Variants in ABCA13 observed in about 807,000 individuals in gnomAD.
ABCA13 encodes ATP-binding cassette sub-family A member 13.
Under a neutral mutation model 478.7 loss-of-function variants are expected in ABCA13, and 476 were observed. That is an observed-to-expected ratio of 0.99 (90% CI 0.92 to 1.07). The LOEUF (loss-of-function observed/expected upper bound fraction) is 1.07. ABCA13 is among the 50% of genes least tolerant of loss of function. The pLI is 0.00. For synonymous variants in ABCA13, 2,252 were observed against 2,158.9 expected, an observed-to-expected ratio of 1.04 and a Z score of -1.20; for missense variants, 6,060 against 5,910.6, an observed-to-expected ratio of 1.03 and a Z score of -0.83.
At chr7:48,478,169 T>C (rs1465507962) in intron 45 of ABCA13, among the ~76,000 whole-genome samples, 1 of 149,030 alleles carries the variant, frequency 6.7e-6, no homozygotes, top group Non-Finnish European at 1.5e-5. Flanking sequence ...CAGCATATCA[T>C]ATATCATGAT....
intron 59 of ABCA13, among the ~76,000 whole-genome samples, chr7:48,634,781 T>C (rs1794489347): frequency 1.3e-5 from 2 of 152,230 alleles, no homozygotes; most frequent in Non-Finnish European, 2.9e-5. Flanking sequence ...TAAATGTTTC[T>C]CCAAGCACTG....
At chr7:48,624,056 T>TAG (rs1038336052) in intron 59 of ABCA13, among the ~76,000 whole-genome samples, 21 of 128,008 alleles carry the variant, frequency 1.6e-4, no homozygotes, top group Non-Finnish European at 2.8e-4. Context: ...GAGCACATGA[T>TAG]AGAGTGTGTG....
intron 29 of ABCA13, 73 bp from the exon 30 acceptor site, chr7:48,350,570 T>C: frequency 7.2e-7 from 1 of 1,390,916 alleles, no homozygotes; most frequent in Non-Finnish European, 9.6e-7. Context: ...ATTTGCACAA[T>C]CTCCACTATA....
At chr7:48,491,126 A>T (rs372874770) in intron 48 of ABCA13, among the ~76,000 whole-genome samples, 33 of 152,178 alleles carry the variant, frequency 2.2e-4, no homozygotes, top group African/African-American at 6.8e-4. Context: ...AGATGTTTTC[A>T]AGGAAGGGGC....
chr7:48,381,368 CAT>C (rs1563157457), intron 35 of ABCA13, among the ~76,000 whole-genome samples: 1 of 148,186 alleles, frequency 6.7e-6, no homozygotes, highest in African/African-American at 2.5e-5. Context: ...CACACATACA[CAT>C]ACACACACAC....
At chr7:48,312,424 T>C (rs1006595126) in intron 24 of ABCA13, among the ~76,000 whole-genome samples, 10 of 151,114 alleles carry the variant, frequency 6.6e-5, no homozygotes, top group African/African-American at 2.4e-4. Context: ...AAGCCTTGCC[T>C]CCAGTGTAGA....
intron 38 of ABCA13, among the ~76,000 whole-genome samples, chr7:48,403,047 G>A (rs550759439): frequency 3.9e-5 from 6 of 152,322 alleles, no homozygotes; most frequent in Admixed American, 3.3e-4. Flanking sequence ...CTGGAAGAGG[G>A]GTAAAGTTTC....
chr7:48,511,157 G>A lies in ABCA13; in HGVS notation c.13598G>A (p.Arg4533His), dbSNP rs747899889. The A allele has an allele frequency of 3.5e-5, 56 of 1,612,924 alleles. No homozygotes were observed. The highest frequency in any genetic ancestry group is 4.2e-5 in the Non-Finnish European group (49 of 1,179,476). ...TTCCAGTTAACAGCTTTTACTTTCCGCAAGAACTTGGCAGCCACGGCCCTC... is the reference window on the plus strand; with the variant it reads ...TTCCAGTTAACAGCTTTTACTTTCCACAAGAACTTGGCAGCCACGGCCCTC... The part of the protein sequence containing the change: ...VAFQLTAFTF[R>H]KNLAATALLL... The change falls in exon 51 of 62, where the codon CGC becomes CAC. Residue 4533 changes from arginine (R) to histidine (H), a missense_variant. Transcript: ENST00000435803.
chr7:48,333,039 C>T (rs1805649166), intron 27 of ABCA13, among the ~76,000 whole-genome samples: 1 of 152,312 alleles, frequency 6.6e-6, no homozygotes, highest in Middle Eastern at 3.4e-3. Context: ...CAGTTCCACT[C>T]AGTTTCTCCT....
intron 48 of ABCA13, among the ~76,000 whole-genome samples, chr7:48,503,084 G>A (rs1250738208): frequency 6.6e-6 from 1 of 152,086 alleles, no homozygotes; most frequent in Non-Finnish European, 1.5e-5. Context: ...ATTTACTTAT[G>A]TATGTATTTA....
At chr7:48,460,090 A>G (rs1199458893) in intron 43 of ABCA13, among the ~76,000 whole-genome samples, 57 of 152,138 alleles carry the variant, frequency 3.7e-4, no homozygotes, top group Non-Finnish European at 2.9e-5. Context: ...TAGAAGGAGC[A>G]AGTGTAGGAC....
intron 56 of ABCA13, among the ~76,000 whole-genome samples, chr7:48,581,553 G>A (rs183762404): frequency 4.6e-5 from 7 of 152,278 alleles, no homozygotes; most frequent in African/African-American, 1.4e-4. Context: ...TGAAAGAGGC[G>A]GGTGCTTGGC....
chr7:48,520,016 T>A, intron 52 of ABCA13, 25 bp from the exon 53 acceptor site: 2 of 1,574,788 alleles, frequency 1.3e-6, no homozygotes, highest in Non-Finnish European at 1.7e-6. Context: ...TTAATTGGAT[T>A]TTTTTTCTTT....
chr7:48,612,269 A>G (rs917562826), intron 58 of ABCA13: 1 of 152,220 alleles, frequency 6.6e-6, no homozygotes, highest in African/African-American at 2.4e-5. Context: ...AGTTTGTTGC[A>G]TGTCCACATT....
Position 48,618,283 on chromosome 7 carries a change from C to G in ABCA13, c.14837+2906C>G, listed in dbSNP as rs114894926. On this transcript the variant is annotated intron_variant, in intron 59 of 61. Transcript: ENST00000435803. ...GCTCATTTGAGTTGCTTTCTTGGGT[C>G]TTAAGCAAAACCTTGGTACATGCAC... Among the ~76,000 whole-genome samples, 1,019 of 152,306 alleles carry G rather than the reference C, an allele frequency of 6.7e-3. 11 individuals are homozygous for G. Among genetic ancestry groups the G allele is most frequent in the African/African-American group, 0.023 (972 of 41,560 alleles).
At chr7:48,283,293 C>T (rs1030739736) in intron 19 of ABCA13, among the ~76,000 whole-genome samples, 3 of 152,006 alleles carry the variant, frequency 2.0e-5, no homozygotes, top group Non-Finnish European at 4.4e-5. Context: ...GAGAAATGAG[C>T]CTTGGGCAGA....
At chr7:48,511,460 C>T (rs2130906902) in intron 51 of ABCA13, among the ~76,000 whole-genome samples, 1 of 152,238 alleles carries the variant, frequency 6.6e-6, no homozygotes, top group Middle Eastern at 3.4e-3. Flanking sequence ...CAAACTTGTG[C>T]AGCTGGAAAT....
intron 54 of ABCA13, among the ~76,000 whole-genome samples, chr7:48,525,476 G>A (rs1048859320): frequency 6.6e-6 from 1 of 152,068 alleles, no homozygotes; most frequent in Non-Finnish European, 1.5e-5. Flanking sequence ...GAATTTATTT[G>A]ATTATAGTTT....
At chr7:48,303,292 A>G (rs1800418289) in intron 23 of ABCA13, among the ~76,000 whole-genome samples, 1 of 152,082 alleles carries the variant, frequency 6.6e-6, no homozygotes, top group South Asian at 2.1e-4. Flanking sequence ...GATTGTCTGT[A>G]TACTCTGTTG....
Sources: gnomAD v4.1 joint callset for allele counts (sites outside exome capture counted in the v4.1 genomes callset) on GRCh38, gnomAD v4.1.1 for gene constraint, MANE v1.5 for transcripts, NCBI Gene and HGNC (gene_info 2026-07-23, HGNC 2026-07-21) for gene names.